AKAP8L: variants seen among roughly 807,000 people sequenced by gnomAD.
The protein encoded by AKAP8L is A-kinase anchoring protein 8 like.
Under a neutral mutation model 77.5 loss-of-function variants are expected in AKAP8L, and 34 were observed. That is an observed-to-expected ratio of 0.44 (90% CI 0.33 to 0.58). The LOEUF (loss-of-function observed/expected upper bound fraction) is 0.58, where lower values mean the gene tolerates loss of function less well. Among genes scored for constraint, AKAP8L ranks in the 20% least tolerant of loss-of-function variants. The probability of loss-of-function intolerance (pLI) is 0.02; values close to 1 mark genes in which losing one functional copy is unlikely to be tolerated. For synonymous variants in AKAP8L, 342 were observed against 340.7 expected, an observed-to-expected ratio of 1.00 and a Z score of -0.04; for missense variants, 806 against 887.6, an observed-to-expected ratio of 0.91 and a Z score of 1.17.
chr19:15,393,661 C>T (rs1441588041), intron 12 of AKAP8L, among the ~76,000 whole-genome samples: 1 of 152,108 alleles, frequency 6.6e-6, no homozygotes, highest in African/African-American at 2.4e-5. Context: ...TGGCTCATGC[C>T]TGTAATCCCA....
chr19:15,385,936 A>T, intron 12 of AKAP8L, among the ~76,000 whole-genome samples: 1 of 144,922 alleles, frequency 6.9e-6, no homozygotes. Flanking sequence ...TTTTTTGAGG[A>T]GTCTCACTCT....
chr19:15,414,724 G>A (rs1004101468), intron 1 of AKAP8L, among the ~76,000 whole-genome samples: 3 of 151,902 alleles, frequency 2.0e-5, no homozygotes, highest in African/African-American at 7.3e-5. Flanking sequence ...TCCTGACCTC[G>A]TGATCCGCCC....
In AKAP8L at chr19:15,397,482, G is replaced by A. The variant is rs1355556856; in HGVS notation, c.1405+38C>T. ...ACCGAAAATCAGGAGTGCAGGCTGA[G>A]GCCTTGCCTGGTGGGAGTGGGCTGA... On this transcript the variant is annotated intron_variant, in intron 11 of 13. Transcript: ENST00000397410. The surrounding 1 kb of genome is among the most constrained non-coding windows in gnomAD (Gnocchi z 4.7). 6.3e-7 allele frequency: 1 copy of A among 1,575,546 alleles called. No individual in the cohort carries two copies. Among genetic ancestry groups the A allele is most frequent in the East Asian group, 2.2e-5 (1 of 44,692 alleles).
rs1311128641 is a variant in AKAP8L, at chr19:15,401,483, G to A, written c.483C>T (p.Tyr161=). Residue 161 remains tyrosine (Y), a synonymous_variant, in exon 5 of 14, where the codon TAC becomes TAT. Coordinates refer to ENST00000397410, the MANE Select transcript of AKAP8L (RefSeq NM_014371.4). The surrounding 1 kb of genome is among the most constrained non-coding windows in gnomAD (Gnocchi z 6.2). The part of the protein sequence containing the change: ...PEMEMAYEGQ[Y]DAYRDQFRMR... ...TGCGGAACTGGTCGCGGTAGGCATC[G>A]TATTGGCCCTCATAGGCCATTTCCA... 7.4e-6 allele frequency: 12 copies of A among 1,613,734 alleles called. No homozygotes were observed. The highest frequency in any genetic ancestry group is 1.1e-5 in the South Asian group (1 of 91,092).
intron 2 of AKAP8L, among the ~76,000 whole-genome samples, chr19:15,410,003 CATG>C (rs1239603233): frequency 6.6e-6 from 1 of 151,988 alleles, no homozygotes; most frequent in Non-Finnish European, 1.5e-5. Context: ...AGTGCAGTGG[CATG>C]ATATCGGCTC....
At position 15,397,081 on chromosome 19, in the gene AKAP8L, T is replaced by G. The variant is rs1967790533; in HGVS notation, c.1536+69A>C. 6.3e-7 allele frequency: 1 copy of G among 1,594,016 alleles called. No homozygotes were observed. Among genetic ancestry groups the G allele is most frequent in the African/African-American group, 1.3e-5 (1 of 74,532 alleles). On this transcript the variant is annotated intron_variant, in intron 12 of 13. Transcript: ENST00000397410. This position sits in a 1 kb window ranked among gnomAD's most constrained non-coding sequence, Gnocchi z 4.7. ...CTCACGGGCTGGCAGAGGTTCCAAC[T>G]GCACAACCTCCCCAGAGGCCTCACT... is the stretch of plus-strand genomic sequence containing the variant.
At chr19:15,418,796 C>A in intron 1 of AKAP8L, 115 bp downstream of exon 1, 6 of 1,059,116 alleles carry the variant, frequency 5.7e-6, no homozygotes, top group African/African-American at 3.2e-5. Flanking sequence ...CATTTTGTGA[C>A]CGCAGGGAAG....
chr19:15,391,770 C>T (rs1967668646), intron 12 of AKAP8L, among the ~76,000 whole-genome samples: 1 of 151,982 alleles, frequency 6.6e-6, no homozygotes, highest in African/African-American at 2.4e-5. Context: ...GATCTCCTGA[C>T]CTCGTGATCT....
rs1462338118 is a variant in AKAP8L at position 15,401,339 on chromosome 19, G to T, written c.627C>A (p.Gly209=). 2.5e-6 allele frequency: 4 copies of T among 1,613,426 alleles called. No homozygotes were observed. The Admixed American group carries it at 6.7e-5, about 27-fold the overall frequency. ...GCCGAGAGGCACCAGACATGCACTG[G>T]CCCCGGGCCCCCATGGGGTCTTCCC... The part of the protein sequence containing the change: ...RMWEDPMGAR[G]QCMSGASRLP... Residue 209 remains glycine, a synonymous_variant, in exon 5 of 14, where the codon GGC becomes GGA. Transcript: ENST00000397410. The surrounding 1 kb of genome is among the most constrained non-coding windows in gnomAD (Gnocchi z 6.2).
At position 15,398,636 on chromosome 19, in the gene AKAP8L, C is replaced by T. The variant is rs1430059125; in HGVS notation, c.1157+666G>A. The stretch of plus-strand genomic sequence containing the variant: ...CCTCGGGGCGGGTCCCTACCTCTGC[C>T]GGACGTCCTTATCTGGGCCACGGGG... On this transcript the variant is annotated intron_variant, in intron 9 of 13. Transcript: ENST00000397410. This position sits in a 1 kb window ranked among gnomAD's most constrained non-coding sequence, Gnocchi z 9.2. 1 of 986,492 alleles carries T rather than the reference C, an allele frequency of 1.0e-6. No individual in the cohort carries two copies. Among genetic ancestry groups the T allele is most frequent in the Non-Finnish European group, 1.2e-6 (1 of 830,634 alleles). 61.1% of individuals were successfully genotyped at this position (986,492 alleles called of 1,614,324 possible).
intron 2 of AKAP8L, among the ~76,000 whole-genome samples, chr19:15,409,884 G>A (rs952555130): frequency 6.6e-6 from 1 of 152,076 alleles, no homozygotes; most frequent in African/African-American, 2.4e-5. Context: ...CTCTCCCACA[G>A]CAAGGACATG....
At chr19:15,388,176 G>A (rs1967580640) in intron 12 of AKAP8L, among the ~76,000 whole-genome samples, 1 of 144,814 alleles carries the variant, frequency 6.9e-6, no homozygotes, top group Non-Finnish European at 1.5e-5. Flanking sequence ...TTCATACTGT[G>A]TGAGAATGAA....
chr19:15,408,642 G>A (rs1422886411), intron 2 of AKAP8L, among the ~76,000 whole-genome samples: 1 of 151,846 alleles, frequency 6.6e-6, no homozygotes, highest in African/African-American at 2.4e-5. Flanking sequence ...CCAACACTTT[G>A]GGAGGCCGAG....
chr19:15,412,861 T>C (rs1568274152), intron 1 of AKAP8L, among the ~76,000 whole-genome samples: 1 of 152,236 alleles, frequency 6.6e-6, no homozygotes, highest in Non-Finnish European at 1.5e-5. Context: ...TATTTTTGAA[T>C]AATTTTCTCT....
chr19:15,393,950 G>C (rs1436926330), intron 12 of AKAP8L, among the ~76,000 whole-genome samples: 1 of 150,766 alleles, frequency 6.6e-6, no homozygotes, highest in East Asian at 1.9e-4. Context: ...TGGTGAGTAT[G>C]TGAAGAAATC....
intron 12 of AKAP8L, among the ~76,000 whole-genome samples, chr19:15,394,772 A>G (rs1967734603): frequency 6.6e-6 from 1 of 152,184 alleles, no homozygotes; most frequent in Admixed American, 6.5e-5. Context: ...CTATCTCAGT[A>G]AAGCTGTTAC....
chr19:15,403,001 G>A lies in AKAP8L; in HGVS notation c.362+474C>T, dbSNP rs564719043. 4.6e-5 allele frequency among the ~76,000 whole-genome samples: 7 copies of A among 152,266 alleles called. No individual in the cohort carries two copies. The highest frequency in any genetic ancestry group is 4.6e-4 in the Admixed American group (7 of 15,290). On this transcript the variant is annotated intron_variant, in intron 4 of 13. Coordinates refer to ENST00000397410, the MANE Select transcript of AKAP8L (RefSeq NM_014371.4). The surrounding 1 kb of genome is among the most constrained non-coding windows in gnomAD (Gnocchi z 4.3). ...TCAGGTACATGTTTGTAAGGCACAG[G>A]AGAGTAACCAGGAAATGCCCACACC...
At chr19:15,409,403 T>C (rs972963325) in intron 2 of AKAP8L, among the ~76,000 whole-genome samples, 1 of 152,232 alleles carries the variant, frequency 6.6e-6, no homozygotes, top group African/African-American at 2.4e-5. Context: ...ATGAGACACC[T>C]GATACCTTCT....
intron 12 of AKAP8L, chr19:15,383,979 CT>C (rs1265588965): frequency 2.4e-5 from 3 of 125,514 alleles, no homozygotes; most frequent in African/African-American, 9.4e-5. Context: ...GTTGCTCAGG[CT>C]GAAATGCAGT....
Sources: gnomAD v4.1 joint callset for allele counts (sites outside exome capture counted in the v4.1 genomes callset) on GRCh38, gnomAD v4.1.1 for gene constraint, Gnocchi (gnomAD v3.1) non-coding constraint, MANE v1.5 for transcripts, NCBI Gene and HGNC (gene_info 2026-07-23, HGNC 2026-07-21) for gene names.